ITCH: variants seen among roughly 807,000 people sequenced by gnomAD.
ITCH encodes the protein E3 ubiquitin-protein ligase Itchy homolog.
In ITCH, 28 loss-of-function variants were observed where a neutral mutation model predicts 126.8. The observed-to-expected ratio is 0.22, with a 90% CI of 0.16 to 0.30. The LOEUF is 0.30. ITCH is among the 10% of genes least tolerant of loss of function. ITCH has a pLI of 1.00. For missense variants in ITCH, 631 were observed against 1,032.4 expected (o/e 0.61, Z 5.33); for synonymous variants, 342 against 340.0 (o/e 1.01, Z -0.06).
intron 2 of ITCH, among the ~76,000 whole-genome samples, chr20:34,372,415 C>CT (rs1173456771): frequency 1.3e-5 from 1 of 74,116 alleles, no homozygotes; most frequent in Non-Finnish European, 2.4e-5. Flanking sequence ...GAATCTAACT[C>CT]TGTCACCCAG....
intron 2 of ITCH, among the ~76,000 whole-genome samples, chr20:34,371,928 A>G (rs1013073580): frequency 2.6e-5 from 4 of 152,072 alleles, no homozygotes; most frequent in Non-Finnish European, 5.9e-5. Flanking sequence ...TCACTCTATT[A>G]TATTCTGTGC....
intron 2 of ITCH, among the ~76,000 whole-genome samples, chr20:34,384,531 A>G (rs2038199408): frequency 6.6e-6 from 1 of 151,936 alleles, no homozygotes; most frequent in African/African-American, 2.4e-5. Context: ...CACCCGCCTC[A>G]GCTTCCCAAA....
chr20:34,439,280 T>C (rs1183153486), intron 8 of ITCH, among the ~76,000 whole-genome samples: 1 of 152,190 alleles, frequency 6.6e-6, no homozygotes, highest in African/African-American at 2.4e-5. Context: ...CTCCTTTTTA[T>C]TTTTTTATTT....
At chr20:34,370,087 G>C (rs1601731252) in intron 2 of ITCH, among the ~76,000 whole-genome samples, 1 of 147,676 alleles carries the variant, frequency 6.8e-6, no homozygotes, top group East Asian at 2.0e-4. Context: ...CTGGGTGACA[G>C]AGTGAGACCC....
At chr20:34,427,451 A>G (rs536546731) in intron 7 of ITCH, among the ~76,000 whole-genome samples, 1 of 152,146 alleles carries the variant, frequency 6.6e-6, no homozygotes, top group South Asian at 2.1e-4. Flanking sequence ...GAAAAATTAA[A>G]ATTAAAAAAC....
At chr20:34,380,643 G>A (rs532702333) in intron 2 of ITCH, among the ~76,000 whole-genome samples, 1 of 145,876 alleles carries the variant, frequency 6.9e-6, no homozygotes, top group South Asian at 2.2e-4. Flanking sequence ...AATAGAGATG[G>A]GGTCTTGCAT....
chr20:34,475,709 C>T (rs1264525196), intron 16 of ITCH, among the ~76,000 whole-genome samples: 3 of 146,504 alleles, frequency 2.0e-5, no homozygotes, highest in African/African-American at 7.6e-5. Context: ...GGGGCAGGGG[C>T]AGGGGCAGGG....
intron 16 of ITCH, among the ~76,000 whole-genome samples, chr20:34,472,391 A>AC (rs1440958618): frequency 2.0e-5 from 2 of 99,728 alleles, no homozygotes. Context: ...AAAAAAAAAA[A>AC]AAAAAACTTG....
At chr20:34,486,338 T>C (rs868770532) in intron 20 of ITCH, among the ~76,000 whole-genome samples, 107 of 151,052 alleles carry the variant, frequency 7.1e-4, no homozygotes, top group African/African-American at 1.6e-3. Flanking sequence ...TTTTTTTTTT[T>C]CCCCCGAGAC....
Position 34,511,292 on chromosome 20 carries a change from C to G in ITCH, c.*3498C>G, listed in dbSNP as rs543693802. 6.6e-6 allele frequency: 1 copy of G among 152,310 alleles called. No individual in the cohort carries two copies. The highest frequency in any genetic ancestry group is 1.9e-4 in the East Asian group (1 of 5,192). The allele number at this position is 152,310 out of a possible 1,614,324, so 9.4% of individuals were successfully genotyped here. The stretch of plus-strand genomic sequence containing the variant: ...TACTCAGGTAATGCTACAAATATTA[C>G]AGGGAGTCAAATGCTTTTATAAAGT... On this transcript the variant is annotated 3_prime_UTR_variant, in exon 25 of 25. Coordinates refer to ENST00000374864, the MANE Select transcript of ITCH (RefSeq NM_031483.7).
chr20:34,503,879 T>G (rs1393470861), intron 23 of ITCH, among the ~76,000 whole-genome samples: 18 of 114,700 alleles, frequency 1.6e-4, no homozygotes, highest in Middle Eastern at 4.6e-3. Flanking sequence ...GGTTTTTTTT[T>G]TTTTGGTTTT....
chr20:34,429,689 T>C (rs1166093576), intron 7 of ITCH, among the ~76,000 whole-genome samples: 6 of 152,176 alleles, frequency 3.9e-5, no homozygotes, highest in African/African-American at 1.4e-4. Context: ...CAGAATTTGC[T>C]AGAACTGTCA....
chr20:34,475,921 A>C, intron 16 of ITCH: 2 of 1,213,758 alleles, frequency 1.6e-6, no homozygotes, highest in African/African-American at 1.5e-5. Context: ...TATTTGTTCT[A>C]GTTCAGGAGG....
Position 34,492,554 on chromosome 20 carries a change from T to C in ITCH, c.2373T>C (p.Thr791=), listed in dbSNP as rs1174577761. The change falls in exon 23 of 25, where the codon ACT becomes ACC. Residue 791 remains threonine, a synonymous_variant. Coordinates refer to ENST00000374864, the MANE Select transcript of ITCH (RefSeq NM_031483.7). ...GAATGAGACTTCTGCAGTTTGTTAC[T>C]GGAACCTGCCGATTGCCAGTAGGAG... ...EKRMRLLQFV[T]GTCRLPVGGF... 6 of 1,613,520 alleles carry C rather than the reference T, an allele frequency of 3.7e-6. No individual in the cohort carries two copies. In the East Asian group the frequency reaches 1.3e-4, roughly 36 times the overall value.
intron 2 of ITCH, among the ~76,000 whole-genome samples, chr20:34,375,558 A>AC (rs1346960517): frequency 4.6e-5 from 7 of 151,202 alleles, no homozygotes; most frequent in African/African-American, 7.3e-5. Context: ...ACATAGTGAG[A>AC]CCCCATCTTT....
At chr20:34,483,141 G>A (rs1406726381) in intron 20 of ITCH, among the ~76,000 whole-genome samples, 1 of 40,268 alleles carries the variant, frequency 2.5e-5, no homozygotes, top group East Asian at 5.3e-4. Context: ...TAGCTCCTAG[G>A]CCTGCCTACA....
chr20:34,383,277 C>G (rs1191483847), intron 2 of ITCH, among the ~76,000 whole-genome samples: 2 of 151,692 alleles, frequency 1.3e-5, no homozygotes, highest in Non-Finnish European at 2.9e-5. Flanking sequence ...CTCCTGGTCT[C>G]AAGCGACCCT....
At chr20:34,429,047 C>T (rs1255335124) in intron 7 of ITCH, among the ~76,000 whole-genome samples, 5 of 152,170 alleles carry the variant, frequency 3.3e-5, no homozygotes, top group African/African-American at 1.2e-4. Context: ...AAGTGATTCT[C>T]CTGCTTCAGC....
chr20:34,409,381 G>A lies in ITCH; in HGVS notation c.212+589G>A, dbSNP rs6059814. On this transcript the variant is annotated intron_variant, in intron 4 of 24. Transcript: ENST00000374864. The stretch of plus-strand genomic sequence containing the variant: ...CCAGTTTTTTAGTATTTTAAATTAC[G>A]GTGCCAGTTATACTATAGTTATTTA... Among the ~76,000 whole-genome samples, 714 of 151,862 alleles carry A rather than the reference G, an allele frequency of 4.7e-3. 4 individuals carry two copies. The highest frequency in any genetic ancestry group is 7.2e-3 in the Non-Finnish European group (488 of 67,958).
Sources: gnomAD v4.1 joint callset for allele counts (sites outside exome capture counted in the v4.1 genomes callset) on GRCh38, gnomAD v4.1.1 for gene constraint, MANE v1.5 for transcripts, NCBI Gene and HGNC (gene_info 2026-07-23, HGNC 2026-07-21) for gene names.